Variants in ENTPD1 observed in about 807,000 individuals in gnomAD.
The protein encoded by ENTPD1 is ATP diphosphohydrolase.
In ENTPD1, 33 loss-of-function variants were observed where a neutral mutation model predicts 57.0. The observed-to-expected ratio is 0.58, with a 90% CI of 0.44 to 0.77. ENTPD1 has a LOEUF of 0.77. ENTPD1 is among the 30% of genes least tolerant of loss of function. The probability of loss-of-function intolerance (pLI) is 0.00; values close to 1 mark genes in which losing one functional copy is unlikely to be tolerated. For synonymous variants in ENTPD1, 202 were observed against 218.8 expected (o/e 0.92, Z 0.68); for missense variants, 501 against 603.4 (o/e 0.83, Z 1.78).
intron 1 of ENTPD1, among the ~76,000 whole-genome samples, chr10:95,821,086 T>A (rs1322425264): frequency 6.6e-6 from 1 of 152,228 alleles, no homozygotes; most frequent in Non-Finnish European, 1.5e-5. Flanking sequence ...TTATAATTGC[T>A]TATCTAAAGG....
At chr10:95,749,980 A>T (rs890294705) in intron 1 of ENTPD1, among the ~76,000 whole-genome samples, 8 of 152,160 alleles carry the variant, frequency 5.3e-5, no homozygotes, top group Non-Finnish European at 5.9e-5. Context: ...CAGGTGAGAG[A>T]TGATGTGGCT....
In ENTPD1 at chr10:95,823,349, G is replaced by A; in HGVS notation, c.129G>A (p.Leu43=). The A allele has an allele frequency of 1.2e-6, 2 of 1,614,114 alleles. No homozygotes were observed. The highest frequency in any genetic ancestry group is 1.7e-6 in the Non-Finnish European group (2 of 1,179,984). ...LAVGLTQNKA[L]PENVKYGIVL... is the part of the protein sequence containing the mutation. ...TGGGGTTGACCCAGAACAAAGCATT[G>A]CCAGAAAACGTTAAGGTAAGTCAAA... Residue 43 remains leucine, a synonymous_variant, in exon 2 of 10, where the codon TTG becomes TTA. Coordinates refer to ENST00000371205, the MANE Select transcript of ENTPD1 (RefSeq NM_001776.6).
the ENTPD1 span, among the ~76,000 whole-genome samples, chr10:95,705,977 T>C: frequency 6.6e-6 from 1 of 152,170 alleles, no homozygotes; most frequent in Non-Finnish European, 1.5e-5. Context: ...CATGCACCTA[T>C]AGGTCCAGCC....
intron 2 of ENTPD1, among the ~76,000 whole-genome samples, chr10:95,831,540 T>C (rs1891536): frequency 0.27 from 40,365 of 152,244 alleles, 6,253 homozygotes; most frequent in Admixed American, 0.38. Context: ...CACTCAGTGA[T>C]TGATAACTCA....
chr10:95,810,453 G>A (rs1282076136), intron 1 of ENTPD1, among the ~76,000 whole-genome samples: 5 of 146,530 alleles, frequency 3.4e-5, no homozygotes, highest in African/African-American at 1.0e-4. Context: ...TAGGGCAGCC[G>A]GGCAGAGGCG....
Position 95,873,421 on chromosome 10 carries a change from A to G in ENTPD1, c.*7038A>G. The G allele has an allele frequency of 1.0e-6, 1 of 985,356 alleles. No homozygotes were observed. The highest frequency in any genetic ancestry group is 1.2e-6 in the Non-Finnish European group (1 of 829,996). The allele number at this position is 985,356 out of a possible 1,614,324, so 61.0% of individuals were successfully genotyped here. On this transcript the variant is annotated 3_prime_UTR_variant, in exon 10 of 10. Transcript: ENST00000371205. The stretch of plus-strand genomic sequence containing the variant: ...CTGCCTTTGGAGACCAGCACCTCAT[A>G]CTCAGTGAAGGCCTGGAGTGCTTAA...
chr10:95,823,152 C>G, intron 1 of ENTPD1, 85 bp from the exon 2 acceptor site: 5 of 1,543,274 alleles, frequency 3.2e-6, no homozygotes, highest in Non-Finnish European at 3.6e-6. Context: ...CTCCAGGTAG[C>G]CATTACAAGA....
intron 1 of ENTPD1, among the ~76,000 whole-genome samples, chr10:95,775,005 G>A (rs908525964): frequency 3.3e-5 from 5 of 151,902 alleles, no homozygotes; most frequent in African/African-American, 9.7e-5. Context: ...TTTTTATTTC[G>A]TTGAGCAGTG....
rs932718900 is a variant in ENTPD1, at chr10:95,866,451, G to A, written c.*68G>A. On this transcript the variant is annotated 3_prime_UTR_variant, in exon 10 of 10. Transcript: ENST00000371205. ...CGTCCAGGGAGCATTTTCCTCCATC[G>A]CAGTGTTCAAGGCCATCCTTCCCTG... 1.1e-5 allele frequency: 18 copies of A among 1,592,842 alleles called. No individual in the cohort carries two copies. The highest frequency in any genetic ancestry group is 1.7e-4 in the Middle Eastern group (1 of 6,060).
chr10:95,779,197 C>T (rs1276813943), intron 1 of ENTPD1, among the ~76,000 whole-genome samples: 2 of 152,198 alleles, frequency 1.3e-5, no homozygotes, highest in Non-Finnish European at 2.9e-5. Context: ...ACTAGTTCTG[C>T]CCTGTAGACC....
At chr10:95,776,278 G>A (rs969437613) in intron 1 of ENTPD1, among the ~76,000 whole-genome samples, 4 of 152,142 alleles carry the variant, frequency 2.6e-5, no homozygotes, top group Non-Finnish European at 4.4e-5. Context: ...GGTTGCTACC[G>A]GTTGTTCCTT....
Position 95,872,856 on chromosome 10 carries a change from G to A in ENTPD1, c.*6473G>A, listed in dbSNP as rs2098482011. On this transcript the variant is annotated 3_prime_UTR_variant, in exon 10 of 10. Transcript: ENST00000371205. ...CCAGCCCAACTCCTGGTTCCCTGATGAAGCTTTTATTCCCCTAGCCACATG... is the reference window on the plus strand; with the variant it reads ...CCAGCCCAACTCCTGGTTCCCTGATAAAGCTTTTATTCCCCTAGCCACATG... The A allele has an allele frequency of 2.0e-6, 2 of 985,304 alleles. No homozygotes were observed. The highest frequency in any genetic ancestry group is 1.7e-5 in the African/African-American group (1 of 57,220). The allele number at this position is 985,304 out of a possible 1,614,324, so 61.0% of individuals were successfully genotyped here.
At chr10:95,702,823 C>T in the ENTPD1 span, among the ~76,000 whole-genome samples, 1 of 152,174 alleles carries the variant, frequency 6.6e-6, no homozygotes, top group Non-Finnish European at 1.5e-5. Context: ...CACTCTGTCG[C>T]CCATGCTGGA....
At chr10:95,777,943 C>A (rs140377658) in intron 1 of ENTPD1, among the ~76,000 whole-genome samples, 1 of 152,176 alleles carries the variant, frequency 6.6e-6, no homozygotes, top group South Asian at 2.1e-4. Context: ...GCATGGGATC[C>A]GCTGAACCAT....
rs545565316 is a variant in ENTPD1 at position 95,773,874 on chromosome 10, G to A, written c.16+17619G>A. ...AGTAATGGGATTGCTGGGTCAAATG[G>A]TATTTCTAGTTCTAGGTCCTTGAGG... is the stretch of plus-strand genomic sequence containing the variant. On this transcript the variant is annotated intron_variant, in intron 1 of 9. Transcript: ENST00000371205. Among the ~76,000 whole-genome samples the A allele has an allele frequency of 3.9e-5, 6 of 152,292 alleles. No individual in the cohort carries two copies. The East Asian group carries it at 1.2e-3, about 29-fold the overall frequency.
chr10:95,725,373 G>A (rs948004532), intron 1 of ENTPD1, among the ~76,000 whole-genome samples: 1 of 152,028 alleles, frequency 6.6e-6, no homozygotes, highest in Non-Finnish European at 1.5e-5. Context: ...CCCTCGGTGA[G>A]TATGGGTTAT....
At position 95,872,431 on chromosome 10, in the gene ENTPD1, C is replaced by G. The variant is rs1427149872; in HGVS notation, c.*6048C>G. On this transcript the variant is annotated 3_prime_UTR_variant, in exon 10 of 10. Coordinates refer to ENST00000371205, the MANE Select transcript of ENTPD1 (RefSeq NM_001776.6). ...AGGTAGAATGACTGTTCACCCAACA[C>G]CACTCAGGTTGTCTTCTCAACTTGG... 4.1e-5 allele frequency: 40 copies of G among 985,294 alleles called. No homozygotes were observed. The highest frequency in any genetic ancestry group is 4.7e-5 in the Non-Finnish European group (39 of 829,918). The allele number at this position is 985,294 out of a possible 1,614,324, so 61.0% of individuals were successfully genotyped here.
the ENTPD1 span, among the ~76,000 whole-genome samples, chr10:95,704,315 A>G: frequency 6.6e-6 from 1 of 152,208 alleles, no homozygotes; most frequent in Non-Finnish European, 1.5e-5. Flanking sequence ...TGTAATTTCA[A>G]AAGGTCAAAA....
chr10:95,861,437 A>T (rs2140980900), intron 8 of ENTPD1: 1 of 152,342 alleles, frequency 6.6e-6, no homozygotes, highest in South Asian at 2.1e-4. Context: ...TGCAAAAGTG[A>T]ATGGTGTTTT....
Sources: allele counts gnomAD v4.1 joint callset (sites outside exome capture counted in the v4.1 genomes callset), GRCh38; gene constraint gnomAD v4.1.1; transcripts MANE v1.5; gene names NCBI Gene and HGNC (gene_info 2026-07-23, HGNC 2026-07-21).